HMBOX1: variants seen among roughly 807,000 people sequenced by gnomAD.
HMBOX1 encodes the protein homeobox-containing protein 1.
In HMBOX1, 14 loss-of-function variants were observed where a neutral mutation model predicts 54.5. That is an observed-to-expected ratio of 0.26 (90% CI 0.17 to 0.40). The LOEUF (loss-of-function observed/expected upper bound fraction) is 0.40. Ranked by LOEUF, HMBOX1 falls within the 10% of genes least tolerant of loss-of-function variation. HMBOX1 has a pLI of 1.00. For synonymous variants in HMBOX1, 160 were observed against 181.0 expected (o/e 0.88, Z 0.93); for missense variants, 332 against 514.4 (o/e 0.65, Z 3.43).
At chr8:28,981,823 T>C (rs1829382424) in intron 4 of HMBOX1, among the ~76,000 whole-genome samples, 1 of 152,212 alleles carries the variant, frequency 6.6e-6, no homozygotes, top group South Asian at 2.1e-4. Context: ...ATACATTAAA[T>C]ATAGTATTGC....
intron 4 of HMBOX1, among the ~76,000 whole-genome samples, chr8:29,005,823 A>G (rs1026305122): frequency 1.3e-5 from 2 of 152,036 alleles, no homozygotes; most frequent in Admixed American, 6.5e-5. Flanking sequence ...TGAATCATAT[A>G]TAGTTATGTA....
intron 6 of HMBOX1, among the ~76,000 whole-genome samples, chr8:29,032,328 T>G (rs535824828): frequency 2.0e-5 from 3 of 152,190 alleles, no homozygotes; most frequent in Admixed American, 6.5e-5. Context: ...TCCTGGGAAT[T>G]AAAAAATTGA....
chr8:28,931,816 C>T (rs12681865), intron 1 of HMBOX1, among the ~76,000 whole-genome samples: 24,812 of 152,184 alleles, frequency 0.16, 2,421 homozygotes, highest in East Asian at 0.47. Context: ...GCTGGGATTA[C>T]AGGCGTGAGC....
intron 1 of HMBOX1, among the ~76,000 whole-genome samples, chr8:28,931,452 C>CTTAG (rs896012215): frequency 3.9e-5 from 6 of 152,104 alleles, no homozygotes; most frequent in African/African-American, 1.2e-4. Context: ...TTTCAAAATA[C>CTTAG]TTAGTTTTCC....
intron 2 of HMBOX1, among the ~76,000 whole-genome samples, chr8:28,967,089 C>G (rs1256443759): frequency 6.6e-6 from 1 of 152,140 alleles, no homozygotes; most frequent in East Asian, 1.9e-4. Context: ...GAGGAATTTA[C>G]CAGACTAATA....
At chr8:28,988,049 A>T (rs1027740575) in intron 4 of HMBOX1, among the ~76,000 whole-genome samples, 6 of 152,224 alleles carry the variant, frequency 3.9e-5, no homozygotes, top group Admixed American at 2.0e-4. Flanking sequence ...TCAGTATTCC[A>T]AGAAGTTGTC....
chr8:29,049,416 A>T (rs1210681541), intron 9 of HMBOX1: 2 of 1,529,010 alleles, frequency 1.3e-6, no homozygotes, highest in East Asian at 4.9e-5. Flanking sequence ...CATTCACGAC[A>T]CACACTCAGT....
chr8:28,890,792 G>A (rs1425999367), intron 1 of HMBOX1, 114 bp downstream of exon 1: 1 of 152,592 alleles, frequency 6.6e-6, no homozygotes, highest in Non-Finnish European at 1.5e-5. Context: ...GCGGACGCTG[G>A]GGATGGGTCT....
chr8:28,968,921 C>T (rs899290938), intron 2 of HMBOX1, among the ~76,000 whole-genome samples: 4 of 152,184 alleles, frequency 2.6e-5, no homozygotes, highest in Non-Finnish European at 5.9e-5. Context: ...CACCTGTAAT[C>T]CCAGCACTTT....
intron 3 of HMBOX1, among the ~76,000 whole-genome samples, chr8:28,973,910 GT>G (rs1348291471): frequency 7.2e-6 from 1 of 139,652 alleles, no homozygotes; most frequent in Non-Finnish European, 1.5e-5. Context: ...CGCCTCCCGG[GT>G]TAAAGCGATT....
intron 1 of HMBOX1, among the ~76,000 whole-genome samples, chr8:28,937,787 A>G (rs552448214): frequency 6.6e-6 from 1 of 152,364 alleles, no homozygotes; most frequent in East Asian, 1.9e-4. Context: ...AATTTATGGG[A>G]GAAAACTGAA....
chr8:28,908,247 T>C (rs1814716548), intron 1 of HMBOX1, among the ~76,000 whole-genome samples: 1 of 152,218 alleles, frequency 6.6e-6, no homozygotes, highest in Non-Finnish European at 1.5e-5. Flanking sequence ...AATGAAAATA[T>C]AATTAGCTTG....
intron 4 of HMBOX1, among the ~76,000 whole-genome samples, chr8:28,995,196 A>G (rs993653671): frequency 6.6e-6 from 1 of 152,168 alleles, no homozygotes; most frequent in African/African-American, 2.4e-5. Context: ...GTATGTACTA[A>G]TATACTTTCT....
intron 4 of HMBOX1, among the ~76,000 whole-genome samples, chr8:28,994,330 T>C (rs1380171566): frequency 1.3e-5 from 2 of 152,192 alleles, no homozygotes; most frequent in African/African-American, 4.8e-5. Context: ...AATAGATCCT[T>C]GGAGATGAGC....
intron 1 of HMBOX1, among the ~76,000 whole-genome samples, chr8:28,939,265 G>A (rs1238950068): frequency 6.6e-6 from 1 of 150,716 alleles, no homozygotes; most frequent in African/African-American, 2.4e-5. Context: ...CTCCAGCCTG[G>A]GCAACAAGAG....
At chr8:28,896,774 A>G (rs1355929330) in intron 1 of HMBOX1, among the ~76,000 whole-genome samples, 1 of 152,180 alleles carries the variant, frequency 6.6e-6, no homozygotes, top group Admixed American at 6.5e-5. Context: ...AGTACACTCT[A>G]TGGTGTTCGC....
chr8:28,896,863 G>T (rs1000845763), intron 1 of HMBOX1, among the ~76,000 whole-genome samples: 3 of 151,330 alleles, frequency 2.0e-5, no homozygotes, highest in African/African-American at 7.3e-5. Flanking sequence ...CATCCTGAAA[G>T]TTTTTATGAA....
intron 9 of HMBOX1, among the ~76,000 whole-genome samples, 170 bp from the exon 10 acceptor site, chr8:29,050,848 C>T (rs965942622): frequency 3.3e-5 from 5 of 152,066 alleles, no homozygotes; most frequent in Admixed American, 2.0e-4. Flanking sequence ...AATCTTTGGA[C>T]CTATATCCAT....
chr8:28,957,463 C>G (rs756682379), intron 1 of HMBOX1, among the ~76,000 whole-genome samples: 8 of 152,092 alleles, frequency 5.3e-5, no homozygotes, highest in Admixed American at 1.3e-4. Flanking sequence ...GGGTACTATG[C>G]CCACTACCTG....
Sources: gnomAD v4.1 joint callset for allele counts (sites outside exome capture counted in the v4.1 genomes callset) on GRCh38, gnomAD v4.1.1 for gene constraint, MANE v1.5 for transcripts, NCBI Gene and HGNC (gene_info 2026-07-23, HGNC 2026-07-21) for gene names.